TPI1: variants seen among roughly 807,000 people sequenced by gnomAD.
TPI1 encodes triosephosphate isomerase.
A neutral mutation model predicts 31.0 loss-of-function variants in TPI1; 11 were observed. The observed-to-expected ratio is 0.36, with a 90% CI of 0.22 to 0.59. The LOEUF (loss-of-function observed/expected upper bound fraction) is 0.59, where lower values mean the gene tolerates loss of function less well. Ranked by LOEUF, TPI1 falls within the 20% of genes least tolerant of loss-of-function variation. TPI1 has a pLI of 0.79. For missense variants in TPI1, 245 were observed against 319.7 expected (o/e 0.77, Z 1.78); for synonymous variants, 121 against 122.8 (o/e 0.99, Z 0.10).
chr12:6,867,806 TGGGACGAG>T (rs2138088439), intron 1 of TPI1, 125 bp downstream of exon 1: 1 of 1,073,276 alleles, frequency 9.3e-7, no homozygotes, highest in African/African-American at 1.7e-5. Context: ...TGCAGGGCTG[TGGGACGAG>T]GGCCGCTGGG....
Position 6,869,086 on chromosome 12 carries a change from T to A in TPI1, c.240-13T>A, listed in dbSNP as rs1944523136. The A allele has an allele frequency of 6.2e-7, 1 of 1,614,078 alleles. No homozygotes were observed. The highest frequency in any genetic ancestry group is 8.5e-7 in the Non-Finnish European group (1 of 1,180,042). On this transcript the variant is annotated splice_polypyrimidine_tract_variant and intron_variant, in intron 2 of 6. Transcript: ENST00000396705. ...GGCTCCCTGCTGAACCTTGGCTTCA[T>A]CTCTTCCTTTAGCCCTGGCATGATC...
In TPI1 at chr12:6,870,464, T is replaced by C. The variant is rs1944562791; in HGVS notation, c.*81T>C. On this transcript the variant is annotated 3_prime_UTR_variant, in exon 7 of 7. Transcript: ENST00000396705. ...GCCCAGTAACTGCCCTTTCCCTGCA[T>C]ATGCTTCTGATGGTGTCATCTGCTC... 1.9e-6 allele frequency: 2 copies of C among 1,051,994 alleles called. No individual in the cohort carries two copies. The highest frequency in any genetic ancestry group is 3.0e-6 in the Non-Finnish European group (2 of 667,950). The allele number at this position is 1,051,994 out of a possible 1,614,324, so 65.2% of individuals were successfully genotyped here. A position where few individuals can be genotyped will look rare whatever the true frequency, so the allele number is the denominator to read the frequency against.
upstream of TPI1, chr12:6,867,525 C>A: frequency 1.2e-6 from 2 of 1,600,644 alleles, no homozygotes; most frequent in Non-Finnish European, 1.7e-6. Flanking sequence ...GTGGCCGCGA[C>A]TGCGCGCAGA....
intron 1 of TPI1, chr12:6,868,228 C>A: frequency 7.8e-7 from 1 of 1,287,812 alleles, no homozygotes; most frequent in South Asian, 1.2e-5. Flanking sequence ...GGACCGAGCC[C>A]GTGCCAAACA....
rs1378996451 is a variant in TPI1 at position 6,870,730 on chromosome 12, T to TC, written c.*351dup. ...CCCTTCTTACACCGTGAGGCCAAGA[T>TC]CCCCTCAGAAGGCAGGAGTGCTGCC... is the stretch of plus-strand genomic sequence containing the variant. On this transcript the variant is annotated 3_prime_UTR_variant, in exon 7 of 7. Coordinates refer to ENST00000396705, the MANE Select transcript of TPI1 (RefSeq NM_000365.6). 1 of 549,522 alleles carries TC rather than the reference T, an allele frequency of 1.8e-6. No individual in the cohort carries two copies. Among genetic ancestry groups the TC allele is most frequent in the Non-Finnish European group, 3.5e-6 (1 of 284,266 alleles). The allele number at this position is 549,522 out of a possible 1,614,324, so 34.0% of individuals were successfully genotyped here. A position where few individuals can be genotyped will look rare whatever the true frequency, so the allele number is the denominator to read the frequency against.
rs114310136 is a variant in TPI1, at chr12:6,870,932, A to G, written c.*549A>G. The G allele has an allele frequency of 3.1e-3, 2,076 of 667,298 alleles. 18 individuals are homozygous for G. Among genetic ancestry groups the G allele is most frequent in the African/African-American group, 0.024 (1,330 of 55,664 alleles). The allele number at this position is 667,298 out of a possible 1,614,324, so 41.3% of individuals were successfully genotyped here. ...GCAAGAAAAAAAAAAAAACAAGAAC[A>G]GGTTTCTATAACAACATCTCTTACT... On this transcript the variant is annotated 3_prime_UTR_variant, in exon 7 of 7. Coordinates refer to ENST00000396705, the MANE Select transcript of TPI1 (RefSeq NM_000365.6).
rs1182161239 is a variant in TPI1, at chr12:6,869,728, G to A, written c.498G>A (p.Glu166=). ...GGAGCAAGGTCGTCCTGGCCTATGAGCCTGTGTGGGCCATTGGTACTGGCA... is the reference window on the plus strand; with the variant it reads ...GGAGCAAGGTCGTCCTGGCCTATGAACCTGTGTGGGCCATTGGTACTGGCA... ...KDWSKVVLAY[E]PVWAIGTGKT... Residue 166 remains glutamate, a synonymous_variant, in exon 5 of 7, where the codon GAG becomes GAA. Coordinates refer to ENST00000396705, the MANE Select transcript of TPI1 (RefSeq NM_000365.6). 1.2e-6 allele frequency: 2 copies of A among 1,614,230 alleles called. No individual in the cohort carries two copies. The highest frequency in any genetic ancestry group is 3.3e-5 in the Admixed American group (2 of 60,032).
chr12:6,869,904 A>AGG (rs1944549264), intron 5 of TPI1, 131 bp downstream of exon 5: 3 of 1,387,234 alleles, frequency 2.2e-6, no homozygotes, highest in Non-Finnish European at 3.1e-6. Context: ...GACTTGTCCA[A>AGG]GGGCATCCAG....
intron 1 of TPI1, chr12:6,868,137 G>A (rs924329996): frequency 3.2e-6 from 4 of 1,260,766 alleles, no homozygotes; most frequent in Admixed American, 2.4e-5. Context: ...GCGTCCCCGC[G>A]CCGAGCTGCT....
At chr12:6,869,581 A>T in intron 4 of TPI1, 107 bp from the exon 5 acceptor site, 1 of 1,469,724 alleles carries the variant, frequency 6.8e-7, no homozygotes, top group Non-Finnish European at 9.5e-7. Flanking sequence ...GAAATCCCCC[A>T]ATGTCCACTA....
intron 1 of TPI1, 109 bp downstream of exon 1, chr12:6,867,790 A>G: frequency 2.5e-6 from 3 of 1,219,832 alleles, no homozygotes; most frequent in Non-Finnish European, 3.3e-6. Context: ...ATCCGCGCGG[A>G]CCTGATGCAG....
At chr12:6,868,099 A>G in intron 1 of TPI1, 1 of 1,265,360 alleles carries the variant, frequency 7.9e-7, no homozygotes, top group Non-Finnish European at 1.0e-6. Context: ...ACGTAGCCCC[A>G]GACTCCTCCC....
intron 2 of TPI1, 54 bp from the exon 3 acceptor site, chr12:6,869,045 G>A (rs1188705726): frequency 5.6e-6 from 9 of 1,613,992 alleles, no homozygotes; most frequent in Non-Finnish European, 6.8e-6. Flanking sequence ...CTCGTTGAGG[G>A]GAAAGCCACA....
In TPI1 at chr12:6,869,081, C is replaced by G. The variant is rs1272437616; in HGVS notation, c.240-18C>G. 6.2e-7 allele frequency: 1 copy of G among 1,614,212 alleles called. No homozygotes were observed. Among genetic ancestry groups the G allele is most frequent in the Non-Finnish European group, 8.5e-7 (1 of 1,180,048 alleles). On this transcript the variant is annotated intron_variant, in intron 2 of 6. Coordinates refer to ENST00000396705, the MANE Select transcript of TPI1 (RefSeq NM_000365.6). ...GGGTGGGCTCCCTGCTGAACCTTGG[C>G]TTCATCTCTTCCTTTAGCCCTGGCA... is the stretch of plus-strand genomic sequence containing the variant.
intron 1 of TPI1, chr12:6,868,437 C>A: frequency 7.8e-7 from 1 of 1,290,094 alleles, no homozygotes; most frequent in Non-Finnish European, 1.0e-6. Context: ...GTTCATTCCC[C>A]AGAGGCCTCA....
intron 1 of TPI1, 97 bp from the exon 2 acceptor site, chr12:6,868,767 G>A: frequency 6.6e-7 from 1 of 1,521,778 alleles, no homozygotes; most frequent in Non-Finnish European, 8.9e-7. Context: ...AAGAAGAAGA[G>A]GGTGAGGGCT....
rs782458173 is a variant in TPI1, at chr12:6,870,921, AAAAC to A, written c.*541_*544del. On this transcript the variant is annotated 3_prime_UTR_variant, in exon 7 of 7. Coordinates refer to ENST00000396705, the MANE Select transcript of TPI1 (RefSeq NM_000365.6). Reference sequence around the variant, plus strand: ...TGATCATTTGTGCAAGAAAAAAAAAAAAACAAGAACAGGTTTCTATAACAACATC... The same window carrying A: ...TGATCATTTGTGCAAGAAAAAAAAAAAAGAACAGGTTTCTATAACAACATC... 1.5e-4 allele frequency: 95 copies of A among 650,362 alleles called. No homozygotes were observed. The highest frequency in any genetic ancestry group is 1.1e-3 in the African/African-American group (60 of 55,234). 40.3% of individuals were successfully genotyped at this position (650,362 alleles called of 1,614,324 possible). A position where few individuals can be genotyped will look rare whatever the true frequency, so the allele number is the denominator to read the frequency against.
At position 6,870,302 on chromosome 12, in the gene TPI1, C is replaced by A. The variant is rs1156910250; in HGVS notation, c.669C>A (p.Ser223Arg). ...VTGATCKELA[S>R]QPDVDGFLVG... is the part of the protein sequence containing the mutation. ...GGGCAACCTGCAAGGAGCTGGCCAGCCAGCCTGATGTGGATGGCTTCCTTG... is the reference window on the plus strand; with the variant it reads ...GGGCAACCTGCAAGGAGCTGGCCAGACAGCCTGATGTGGATGGCTTCCTTG... Residue 223 changes from serine (S) to arginine (R), a missense_variant, in exon 7 of 7, where the codon AGC becomes AGA. Ser to Arg is a moderately radical substitution (Grantham distance 110, BLOSUM62 -1). This residue lies in a region of TPI1 where 127 missense variants were observed against 163.7 expected (regional missense o/e 0.78). Transcript: ENST00000396705. The A allele has an allele frequency of 1.2e-6, 2 of 1,614,214 alleles. No homozygotes were observed. Among genetic ancestry groups the A allele is most frequent in the Non-Finnish European group, 1.7e-6 (2 of 1,180,018 alleles).
rs1036876882 is a variant in TPI1, at chr12:6,868,213, G to C, written c.115+532G>C. 28 of 1,287,764 alleles carry C rather than the reference G, an allele frequency of 2.2e-5. No homozygotes were observed. In the Admixed American group the frequency reaches 2.5e-4, roughly 12 times the overall value. The allele number at this position is 1,287,764 out of a possible 1,614,324, so 79.8% of individuals were successfully genotyped here. ...AACCTGAACGACTCCCGCCTTCCAC[G>C]GAAGGGACCGAGCCCGTGCCAAACA... On this transcript the variant is annotated intron_variant, in intron 1 of 6. Transcript: ENST00000396705.
Sources: gnomAD v4.1 joint callset for allele counts on GRCh38, gnomAD v4.1.1 for gene constraint, gnomAD v4.1.1 regional missense constraint, MANE v1.5 for transcripts, NCBI Gene and HGNC (gene_info 2026-07-23, HGNC 2026-07-21) for gene names.